ATF7: variants seen among roughly 807,000 people sequenced by gnomAD.
ATF7 encodes the protein cyclic AMP-dependent transcription factor ATF-7.
Under a neutral mutation model 50.4 loss-of-function variants are expected in ATF7, and 10 were observed. The ratio of observed to expected loss-of-function variants is 0.20; its 90% CI spans 0.12 to 0.34. The LOEUF (loss-of-function observed/expected upper bound fraction) is 0.34. Among genes scored for constraint, ATF7 ranks in the 10% least tolerant of loss-of-function variants. The pLI is 1.00. For synonymous variants in ATF7, 201 were observed against 226.4 expected, an observed-to-expected ratio of 0.89 and a Z score of 1.01; for missense variants, 465 against 613.9, an observed-to-expected ratio of 0.76 and a Z score of 2.56.
chr12:53,550,281 G>A (rs938736129), intron 3 of ATF7, among the ~76,000 whole-genome samples: 3 of 147,970 alleles, frequency 2.0e-5, no homozygotes, highest in African/African-American at 5.0e-5. Context: ...CCGAGATTAC[G>A]CCACTGCACT....
chr12:53,561,394 A>C (rs895529933), intron 2 of ATF7, among the ~76,000 whole-genome samples: 2 of 151,804 alleles, frequency 1.3e-5, no homozygotes, highest in African/African-American at 4.8e-5. Context: ...GTTCTAGAAT[A>C]GTGATGCTGG....
chr12:53,622,489 G>A (rs980339867), intron 1 of ATF7, among the ~76,000 whole-genome samples: 4 of 151,066 alleles, frequency 2.6e-5, no homozygotes, highest in African/African-American at 9.8e-5. Context: ...GCATGGTGGC[G>A]GGCGCCTGCT....
intron 2 of ATF7, among the ~76,000 whole-genome samples, chr12:53,586,798 T>TAC (rs747042028): frequency 5.9e-5 from 9 of 151,886 alleles, no homozygotes; most frequent in South Asian, 2.1e-4. Flanking sequence ...CACACACAAA[T>TAC]ACACACACAC....
In ATF7 at chr12:53,515,213, A is replaced by G. The variant is rs1029055966; in HGVS notation, c.*1924T>C. ...CCAGCTCTGAAAAGCAGGAGGGGAA[A>G]TTTAAAACAAATGCAGCAGAACCTG... On this transcript the variant is annotated 3_prime_UTR_variant, in exon 12 of 12. Transcript: ENST00000420353. 6.6e-6 allele frequency: 1 copy of G among 152,212 alleles called. No individual in the cohort carries two copies. The highest frequency in any genetic ancestry group is 2.4e-5 in the African/African-American group (1 of 41,450). The allele number at this position is 152,212 out of a possible 1,614,324, so 9.4% of individuals were successfully genotyped here. A position where few individuals can be genotyped will look rare whatever the true frequency, so the allele number is the denominator to read the frequency against.
intron 3 of ATF7, among the ~76,000 whole-genome samples, chr12:53,551,180 G>C (rs1251840862): frequency 6.6e-6 from 1 of 151,688 alleles, no homozygotes; most frequent in African/African-American, 2.4e-5. Flanking sequence ...TGTTTTTAGA[G>C]ACAGGGTCTT....
At chr12:53,509,333 TCAGA>T (rs1426801587), downstream of ATF7, among the ~76,000 whole-genome samples, 2 of 152,112 alleles carry the variant, frequency 1.3e-5, no homozygotes, top group Non-Finnish European at 2.9e-5. Flanking sequence ...TACCATCTCC[TCAGA>T]CAGTCTTCGG....
intron 2 of ATF7, among the ~76,000 whole-genome samples, chr12:53,570,738 T>TGC (rs1365341621): frequency 2.2e-4 from 1 of 4,648 alleles, no homozygotes; most frequent in Non-Finnish European, 7.1e-4. Context: ...CCTGTGTGCG[T>TGC]GTGTGTGTGT....
intron 3 of ATF7, among the ~76,000 whole-genome samples, chr12:53,551,672 C>T (rs532308062): frequency 6.6e-6 from 1 of 152,280 alleles, no homozygotes; most frequent in South Asian, 2.1e-4. Flanking sequence ...TGAGGAAGTT[C>T]TGTCTCTCCT....
At chr12:53,538,715 A>G (rs1246408715) in intron 4 of ATF7, among the ~76,000 whole-genome samples, 1 of 152,180 alleles carries the variant, frequency 6.6e-6, no homozygotes, top group Non-Finnish European at 1.5e-5. Context: ...TGGTGAAGCA[A>G]CTGCTTGTTT....
At chr12:53,558,556 G>A (rs1465418157) in intron 2 of ATF7, among the ~76,000 whole-genome samples, 1 of 152,164 alleles carries the variant, frequency 6.6e-6, no homozygotes, top group African/African-American at 2.4e-5. Context: ...ACTTAGGATA[G>A]GAAAATTAGG....
chr12:53,596,220 A>C (rs575657497), intron 2 of ATF7, among the ~76,000 whole-genome samples: 1 of 152,312 alleles, frequency 6.6e-6, no homozygotes, highest in East Asian at 1.9e-4. Flanking sequence ...GAATCACTTG[A>C]ACCCAGGAGG....
intron 2 of ATF7, among the ~76,000 whole-genome samples, chr12:53,564,166 G>A (rs1195026676): frequency 6.6e-6 from 1 of 152,170 alleles, no homozygotes; most frequent in African/African-American, 2.4e-5. Flanking sequence ...CTTGAGGCTA[G>A]GCGTTTGAGA....
chr12:53,589,111 G>A (rs965634555), intron 2 of ATF7, among the ~76,000 whole-genome samples: 1 of 152,134 alleles, frequency 6.6e-6, no homozygotes, highest in African/African-American at 2.4e-5. Flanking sequence ...GCTAGATGTG[G>A]ATACTGATGT....
chr12:53,602,637 T>C (rs2137831443), intron 1 of ATF7, among the ~76,000 whole-genome samples: 1 of 152,334 alleles, frequency 6.6e-6, no homozygotes, highest in South Asian at 2.1e-4. Context: ...CGTACATACA[T>C]GTACATGGAT....
intron 1 of ATF7, among the ~76,000 whole-genome samples, chr12:53,612,726 G>T (rs1038359639): frequency 5.3e-5 from 8 of 152,184 alleles, no homozygotes; most frequent in African/African-American, 1.9e-4. Context: ...GTGGCTGGCT[G>T]GGCGCAGTAG....
intron 3 of ATF7, among the ~76,000 whole-genome samples, chr12:53,547,111 A>G (rs1394612525): frequency 6.7e-6 from 1 of 149,648 alleles, no homozygotes; most frequent in African/African-American, 2.5e-5. Context: ...CAGCCTCCCG[A>G]GTAGCTGGGA....
intron 1 of ATF7, among the ~76,000 whole-genome samples, chr12:53,620,462 G>C (rs1360237639): frequency 6.7e-6 from 1 of 149,224 alleles, no homozygotes; most frequent in Non-Finnish European, 1.5e-5. Flanking sequence ...TGTAGTCCCA[G>C]CTACTTGGGA....
intron 11 of ATF7, chr12:53,522,564 CA>C (rs559438349): frequency 4.3e-4 from 53 of 122,738 alleles, no homozygotes; most frequent in Non-Finnish European, 7.2e-4. Flanking sequence ...GTCTCAAAAA[CA>C]AAAAAAAAAC....
At chr12:53,531,993 C>T in intron 8 of ATF7, 97 bp from the exon 9 acceptor site, 1 of 1,367,802 alleles carries the variant, frequency 7.3e-7, no homozygotes, top group Non-Finnish European at 9.9e-7. Flanking sequence ...TTATAGATAG[C>T]TAAAATTTCC....
Sources: allele counts gnomAD v4.1 joint callset (sites outside exome capture counted in the v4.1 genomes callset), GRCh38; gene constraint gnomAD v4.1.1; transcripts MANE v1.5; gene names NCBI Gene and HGNC (gene_info 2026-07-23, HGNC 2026-07-21).